Variants in NTRK1 observed in about 807,000 individuals in gnomAD.
NTRK1 encodes high affinity nerve growth factor receptor.
Under a neutral mutation model 86.8 loss-of-function variants are expected in NTRK1, and 62 were observed. That is an observed-to-expected ratio of 0.71 (90% CI 0.58 to 0.88). NTRK1 has a LOEUF of 0.88. Ranked by LOEUF, NTRK1 falls within the 40% of genes least tolerant of loss-of-function variation. The probability of loss-of-function intolerance (pLI) is 0.00; values close to 1 mark genes in which losing one functional copy is unlikely to be tolerated. For missense variants in NTRK1, 967 were observed against 1,078.4 expected (o/e 0.90, Z 1.45); for synonymous variants, 469 against 456.6 (o/e 1.03, Z -0.35).
At chr1:156,842,951 A>T (rs1654852115) in intron 2 of NTRK1, 1 of 1,392,664 alleles carries the variant, frequency 7.2e-7, no homozygotes, top group Non-Finnish European at 1.0e-6. Flanking sequence ...CTTTCTTACC[A>T]CATGACCTTT....
intron 2 of NTRK1, among the ~76,000 whole-genome samples, chr1:156,849,670 T>A (rs1405138436): frequency 7.9e-5 from 12 of 152,154 alleles, no homozygotes; most frequent in Admixed American, 7.9e-4. Context: ...TCACCCCATC[T>A]TTTGGTTTTC....
chr1:156,864,254 C>A (rs757262049), intron 1 of NTRK1, 100 bp from the exon 2 acceptor site: 2 of 1,092,842 alleles, frequency 1.8e-6, no homozygotes, highest in Non-Finnish European at 2.8e-6. Context: ...TATGCGTGTG[C>A]ATGTGGCATG....
At chr1:156,843,191 G>A (rs374909614) in intron 2 of NTRK1, 24 of 1,613,860 alleles carry the variant, frequency 1.5e-5, no homozygotes, top group East Asian at 6.7e-5. Context: ...CCGGATTATC[G>A]AGATCTGCTC....
intron 6 of NTRK1, among the ~76,000 whole-genome samples, chr1:156,870,455 G>C (rs917477571): frequency 1.1e-4 from 16 of 152,332 alleles, no homozygotes; most frequent in African/African-American, 3.9e-4. Flanking sequence ...AGGAGGATAA[G>C]GGGTGGCAGA....
chr1:156,868,028 C>T (rs2102892265), intron 4 of NTRK1, 76 bp from the exon 5 acceptor site: 2 of 1,563,482 alleles, frequency 1.3e-6, no homozygotes, highest in Non-Finnish European at 8.8e-7. Context: ...TCCCTGCTGC[C>T]TAACTGCTCC....
At position 156,881,749 on chromosome 1, in the gene NTRK1, A is replaced by G; in HGVS notation, c.*107A>G. 1 of 1,172,054 alleles carries G rather than the reference A, an allele frequency of 8.5e-7. No homozygotes were observed. 72.6% of individuals were successfully genotyped at this position (1,172,054 alleles called of 1,614,324 possible). A position where few individuals can be genotyped will look rare whatever the true frequency, so the allele number is the denominator to read the frequency against. ...AGGGTGATCTCAAAGTATCTAATTCACCCTCAGCATGTGGGAAGGGACAGG... is the reference window on the plus strand; with the variant it reads ...AGGGTGATCTCAAAGTATCTAATTCGCCCTCAGCATGTGGGAAGGGACAGG... On this transcript the variant is annotated 3_prime_UTR_variant, in exon 17 of 17. Coordinates refer to ENST00000524377, the MANE Select transcript of NTRK1 (RefSeq NM_002529.4).
At chr1:156,860,828 G>T, upstream of NTRK1, 3 of 1,343,014 alleles carry the variant, frequency 2.2e-6, no homozygotes, top group Non-Finnish European at 2.8e-6. Flanking sequence ...CTTTCCTGGC[G>T]GCTGGGTCTT....
chr1:156,863,115 C>T (rs1043107231), intron 1 of NTRK1, among the ~76,000 whole-genome samples: 6 of 152,012 alleles, frequency 3.9e-5, no homozygotes, highest in Non-Finnish European at 5.9e-5. Context: ...ACAGGGCAGC[C>T]GAGTTCTCAG....
intron 12 of NTRK1, 188 bp downstream of exon 12, chr1:156,875,854 C>G: frequency 9.2e-7 from 1 of 1,090,182 alleles, no homozygotes; most frequent in Non-Finnish European, 1.3e-6. Flanking sequence ...TTAGCTGCAT[C>G]CCCTGCCCAG....
Position 156,860,993 on chromosome 1 carries a change from G to A in NTRK1, c.59G>A (p.Gly20Asp), listed in dbSNP as rs781613716. ...TGGCACAGCTGGGCTGCGGGGCCGG[G>A]CAGCCTGCTGGCTTGGCTGATACTG... ...LGWHSWAAGP[G>D]SLLAWLILAS... Residue 20 changes from glycine to aspartate, a missense_variant, in exon 1 of 17, where the codon GGC becomes GAC. Gly to Asp is a moderately conservative substitution (Grantham distance 94). Coordinates refer to ENST00000524377, the MANE Select transcript of NTRK1 (RefSeq NM_002529.4). The A allele has an allele frequency of 1.3e-6, 2 of 1,529,668 alleles. No individual in the cohort carries two copies. The highest frequency in any genetic ancestry group is 2.0e-5 in the Admixed American group (1 of 50,870). 94.8% of individuals were successfully genotyped at this position (1,529,668 alleles called of 1,614,324 possible).
chr1:156,868,768 A>G (rs1647338533), intron 6 of NTRK1, 121 bp downstream of exon 6: 1 of 1,426,296 alleles, frequency 7.0e-7, no homozygotes, highest in Non-Finnish European at 9.5e-7. Flanking sequence ...ACTGAGGTTG[A>G]GGGACGGACA....
At chr1:156,875,495 C>A (rs775021140) in intron 11 of NTRK1, 25 bp from the exon 12 acceptor site, 1 of 1,613,502 alleles carries the variant, frequency 6.2e-7, no homozygotes, top group Middle Eastern at 1.7e-4. Context: ...GCAAACCCCT[C>A]CATGCGGCTG....
chr1:156,868,764 G>A (rs1161590887), intron 6 of NTRK1, 117 bp downstream of exon 6: 2 of 1,443,678 alleles, frequency 1.4e-6, no homozygotes, highest in African/African-American at 2.8e-5. Context: ...GCACACTGAG[G>A]TTGAGGGACG....
At chr1:156,835,814 A>G (rs771534951) in intron 1 of NTRK1, among the ~76,000 whole-genome samples, 52 of 152,200 alleles carry the variant, frequency 3.4e-4, no homozygotes, top group Non-Finnish European at 6.6e-4. Context: ...TTGGCCTTCC[A>G]GCATTAAGGT....
At chr1:156,845,360 A>C in intron 2 of NTRK1, 1 of 1,595,328 alleles carries the variant, frequency 6.3e-7, no homozygotes, top group East Asian at 2.2e-5. Context: ...CACCTGCCCT[A>C]GTCCTGCTCA....
At chr1:156,828,069 T>C (rs1344304376) in intron 1 of NTRK1, among the ~76,000 whole-genome samples, 2 of 152,196 alleles carry the variant, frequency 1.3e-5, no homozygotes, top group African/African-American at 4.8e-5. Flanking sequence ...TGCCTCAGGC[T>C]CCCAAAGTGT....
chr1:156,857,259 G>A (rs1655443511), upstream of NTRK1, among the ~76,000 whole-genome samples: 1 of 151,902 alleles, frequency 6.6e-6, no homozygotes, highest in African/African-American at 2.4e-5. Flanking sequence ...GAGGGAGAGA[G>A]AATGAGAAAA....
chr1:156,836,904 G>C (rs182018008), intron 1 of NTRK1, among the ~76,000 whole-genome samples: 49 of 152,338 alleles, frequency 3.2e-4, no homozygotes, highest in African/African-American at 1.1e-3. Context: ...CTGGGCAGGA[G>C]TCTAGATCTC....
chr1:156,852,199 G>A (rs1655241128), intron 2 of NTRK1: 1 of 1,581,770 alleles, frequency 6.3e-7, no homozygotes, highest in Non-Finnish European at 8.6e-7. Flanking sequence ...ACACTGTGGG[G>A]AGAGTGGTGT....
Sources: gnomAD v4.1 joint callset for allele counts (sites outside exome capture counted in the v4.1 genomes callset) on GRCh38, gnomAD v4.1.1 for gene constraint, MANE v1.5 for transcripts, NCBI Gene and HGNC (gene_info 2026-07-23, HGNC 2026-07-21) for gene names.